The following ADAMTS12 variants were observed in gnomAD, a reference collection of about 807,000 sequenced individuals.
The protein encoded by ADAMTS12 is ADAM metallopeptidase with thrombospondin type 1 motif 12, also known as A disintegrin and metalloproteinase with thrombospondin motifs 12.
In ADAMTS12, 118 loss-of-function variants were observed where a neutral mutation model predicts 167.8. The observed-to-expected ratio is 0.70, with a 90% CI of 0.61 to 0.82. The LOEUF is 0.82. ADAMTS12 is among the 40% of genes least tolerant of loss of function. The pLI is 0.00. For synonymous variants in ADAMTS12, 704 were observed against 716.9 expected, an observed-to-expected ratio of 0.98 and a Z score of 0.29; for missense variants, 1,916 against 1,998.8, an observed-to-expected ratio of 0.96 and a Z score of 0.79.
chr5:33,620,382 C>T (rs1203781677), intron 14 of ADAMTS12, among the ~76,000 whole-genome samples: 1 of 152,210 alleles, frequency 6.6e-6, no homozygotes, highest in East Asian at 1.9e-4. Context: ...TCAAGAATTG[C>T]AGGAGATCAC....
At position 33,881,446 on chromosome 5, in the gene ADAMTS12, C is replaced by T. The variant is rs1750440868; in HGVS notation, c.162G>A (p.Val54=). 6.2e-7 allele frequency: 1 copy of T among 1,613,524 alleles called. No homozygotes were observed. The highest frequency in any genetic ancestry group is 1.3e-5 in the African/African-American group (1 of 74,888). Residue 54 remains valine (V), a synonymous_variant, in exon 2 of 24, where the codon GTG becomes GTA. Coordinates refer to ENST00000504830, the MANE Select transcript of ADAMTS12 (RefSeq NM_030955.4). The stretch of plus-strand genomic sequence containing the variant: ...TGGCATCTACTCGGACTGGACCCAC[C>T]ACGTGGTATTCTGGCAGGCCCTTGA... ...HFIKGLPEYH[V]VGPVRVDASG...
intron 2 of ADAMTS12, among the ~76,000 whole-genome samples, chr5:33,875,424 G>A (rs1017607118): frequency 5.9e-5 from 9 of 152,110 alleles, no homozygotes; most frequent in Non-Finnish European, 1.0e-4. Flanking sequence ...TGTATATATG[G>A]GAGCAGGGAG....
At chr5:33,808,150 G>A (rs929019502) in intron 2 of ADAMTS12, among the ~76,000 whole-genome samples, 3 of 152,156 alleles carry the variant, frequency 2.0e-5, no homozygotes, top group Admixed American at 1.3e-4. Context: ...ACTTCTCTTC[G>A]GTGTAGTCAG....
intron 11 of ADAMTS12, among the ~76,000 whole-genome samples, chr5:33,638,856 C>T (rs1177264465): frequency 6.6e-6 from 1 of 152,022 alleles, no homozygotes; most frequent in Non-Finnish European, 1.5e-5. Context: ...GAGGGCATAC[C>T]AGCCTTCCTG....
chr5:33,604,539 C>A (rs1340239557), intron 16 of ADAMTS12, among the ~76,000 whole-genome samples: 2 of 150,120 alleles, frequency 1.3e-5, no homozygotes, highest in Non-Finnish European at 3.0e-5. Context: ...AAAGAAAGAA[C>A]AACCCCCCAC....
chr5:33,746,744 A>T (rs1744802018), intron 3 of ADAMTS12, among the ~76,000 whole-genome samples: 1 of 152,238 alleles, frequency 6.6e-6, no homozygotes, highest in Non-Finnish European at 1.5e-5. Flanking sequence ...GGCATTTTGT[A>T]GATGTGATTA....
At chr5:33,817,728 A>G (rs10941100) in intron 2 of ADAMTS12, among the ~76,000 whole-genome samples, 30,870 of 152,100 alleles carry the variant, frequency 0.2, 4,298 homozygotes, top group Non-Finnish European at 0.3. Flanking sequence ...AAATACAACT[A>G]CAATGCTCTT....
chr5:33,819,848 C>T (rs1042327810), intron 2 of ADAMTS12, among the ~76,000 whole-genome samples: 3 of 152,116 alleles, frequency 2.0e-5, no homozygotes, highest in African/African-American at 7.2e-5. Context: ...GGCAGGAGAC[C>T]AAGGAAAGAA....
chr5:33,652,861 T>C (rs954786603), intron 7 of ADAMTS12, among the ~76,000 whole-genome samples: 4 of 152,176 alleles, frequency 2.6e-5, no homozygotes, highest in African/African-American at 9.7e-5. Flanking sequence ...CACCATTTAT[T>C]AAACATGGTG....
chr5:33,619,929 G>A (rs753209936), intron 14 of ADAMTS12, among the ~76,000 whole-genome samples: 8 of 152,158 alleles, frequency 5.3e-5, no homozygotes, highest in Non-Finnish European at 1.2e-4. Flanking sequence ...TCTTGACCTC[G>A]TGATCTGCCC....
At chr5:33,545,688 A>C (rs1309665356) in intron 22 of ADAMTS12, among the ~76,000 whole-genome samples, 1 of 152,194 alleles carries the variant, frequency 6.6e-6, no homozygotes, top group Non-Finnish European at 1.5e-5. Context: ...GCCATAAAAA[A>C]GGATGAGTTC....
intron 3 of ADAMTS12, among the ~76,000 whole-genome samples, chr5:33,687,351 A>G (rs2112269862): frequency 1.3e-5 from 2 of 152,330 alleles, no homozygotes; most frequent in East Asian, 3.9e-4. Flanking sequence ...TATGATCACC[A>G]TCTTATAGAT....
intron 17 of ADAMTS12, among the ~76,000 whole-genome samples, chr5:33,591,328 A>G (rs16891371): frequency 0.18 from 27,774 of 152,122 alleles, 2,996 homozygotes; most frequent in East Asian, 0.38. Flanking sequence ...GATCGCCAAC[A>G]AACCAGGACA....
intron 2 of ADAMTS12, among the ~76,000 whole-genome samples, chr5:33,868,121 T>C (rs1749894899): frequency 6.6e-6 from 1 of 152,188 alleles, no homozygotes; most frequent in South Asian, 2.1e-4. Flanking sequence ...CCTATGGAAC[T>C]GAGTCAATTA....
chr5:33,550,737 TTTGA>T (rs2111838337), intron 20 of ADAMTS12, among the ~76,000 whole-genome samples: 2 of 152,294 alleles, frequency 1.3e-5, no homozygotes, highest in Admixed American at 6.5e-5. Flanking sequence ...GCAGAGCAAC[TTTGA>T]TTGATTTTGT....
chr5:33,799,101 A>C (rs1746895159), intron 2 of ADAMTS12, among the ~76,000 whole-genome samples: 1 of 152,130 alleles, frequency 6.6e-6, no homozygotes, highest in Non-Finnish European at 1.5e-5. Flanking sequence ...GCAGCGCATG[A>C]GGGATGAGGC....
chr5:33,570,923 C>CAA (rs1282100935), intron 19 of ADAMTS12, among the ~76,000 whole-genome samples: 2 of 150,842 alleles, frequency 1.3e-5, no homozygotes, highest in African/African-American at 4.9e-5. Context: ...AAATGGAAAA[C>CAA]AAAAAAGGCA....
intron 6 of ADAMTS12, among the ~76,000 whole-genome samples, chr5:33,661,519 A>G (rs898910466): frequency 3.9e-5 from 6 of 152,238 alleles, no homozygotes; most frequent in Admixed American, 1.3e-4. Context: ...ATGTTTCTAC[A>G]TTGGAGAAAA....
At chr5:33,889,151 T>C (rs2111809378) in intron 1 of ADAMTS12, among the ~76,000 whole-genome samples, 1 of 152,110 alleles carries the variant, frequency 6.6e-6, no homozygotes, top group South Asian at 2.1e-4. Context: ...TCCTTATCCA[T>C]AAAAGTAAAA....
Sources: gnomAD v4.1 joint callset for allele counts (sites outside exome capture counted in the v4.1 genomes callset) on GRCh38, gnomAD v4.1.1 for gene constraint, MANE v1.5 for transcripts, NCBI Gene and HGNC (gene_info 2026-07-23, HGNC 2026-07-21) for gene names.